The following ERO1A variants were observed in gnomAD, a reference collection of about 807,000 sequenced individuals.
ERO1A encodes endoplasmic reticulum oxidoreductase 1 alpha.
ERO1A carries 49 observed loss-of-function variants against 76.9 expected under a neutral mutation model. The ratio of observed to expected loss-of-function variants is 0.64; its 90% CI spans 0.51 to 0.81. The LOEUF is 0.81. Among genes scored for constraint, ERO1A ranks in the 30% least tolerant of loss-of-function variants. The pLI is 0.00. For missense variants in ERO1A, 448 were observed against 542.1 expected (o/e 0.83, Z 1.72); for synonymous variants, 174 against 181.2 (o/e 0.96, Z 0.32).
intron 6 of ERO1A, among the ~76,000 whole-genome samples, chr14:52,666,788 G>A (rs111587129): frequency 0.16 from 23,772 of 152,040 alleles, 1,942 homozygotes; most frequent in South Asian, 0.25. Context: ...AAAATTAGCC[G>A]GGCGTGGTGG....
intron 7 of ERO1A, among the ~76,000 whole-genome samples, chr14:52,664,368 G>GA (rs1178556652): frequency 6.6e-6 from 1 of 151,994 alleles, no homozygotes. Flanking sequence ...TGTTCAGTAG[G>GA]AAAAAACAGA....
chr14:52,661,563 C>T (rs563782079), intron 8 of ERO1A, among the ~76,000 whole-genome samples: 1 of 152,058 alleles, frequency 6.6e-6, no homozygotes, highest in African/African-American at 2.4e-5. Flanking sequence ...ATTTAATATA[C>T]CCTGACAGGA....
intron 1 of ERO1A, among the ~76,000 whole-genome samples, chr14:52,694,811 A>C (rs572653601): frequency 6.6e-6 from 1 of 152,190 alleles, no homozygotes; most frequent in Non-Finnish European, 1.5e-5. Context: ...GAAAAAGAGC[A>C]CACAGGACCA....
intron 4 of ERO1A, among the ~76,000 whole-genome samples, chr14:52,672,971 A>C (rs2040658513): frequency 6.6e-6 from 1 of 152,140 alleles, no homozygotes; most frequent in African/African-American, 2.4e-5. Context: ...AACATTTCAG[A>C]ATACAATTTC....
At chr14:52,665,237 G>A (rs1480524697) in intron 7 of ERO1A, among the ~76,000 whole-genome samples, 2 of 150,818 alleles carry the variant, frequency 1.3e-5, no homozygotes, top group African/African-American at 4.9e-5. Context: ...GGGAGGCAGA[G>A]GTTGCGGTAA....
intron 4 of ERO1A, among the ~76,000 whole-genome samples, chr14:52,675,064 C>T (rs1033766): frequency 1 from 152,330 of 152,330 alleles, 76,165 homozygotes; most frequent in Non-Finnish European, 1. Context: ...GATGAACAGA[C>T]ATGTGGTAAA....
chr14:52,673,536 T>G (rs1307105641), intron 4 of ERO1A, among the ~76,000 whole-genome samples: 1 of 152,236 alleles, frequency 6.6e-6, no homozygotes, highest in African/African-American at 2.4e-5. Flanking sequence ...AACCAATCAA[T>G]ACTACTGAGA....
Position 52,682,360 on chromosome 14 carries a change from C to G in ERO1A, c.283G>C (p.Gly95Arg). Residue 95 changes from glycine (G) to arginine (R), a missense_variant, in exon 3 of 16, where the codon GGA becomes CGA. Gly to Arg is a moderately radical substitution (Grantham distance 125). This residue lies in a region of ERO1A where 146 missense variants were observed against 130.2 expected (regional missense o/e 1.12). Coordinates refer to ENST00000395686, the MANE Select transcript of ERO1A (RefSeq NM_014584.3). Reference protein sequence around the residue: ...CPFWNDISQCGRRDCAVKPCQ... With the variant: ...CPFWNDISQCRRRDCAVKPCQ... Reference sequence around the variant, plus strand: ...GGTTTGACAGCACAGTCCCTTCTTCCACACTGGCTGATGTCATTCCAGAAA... The same window carrying G: ...GGTTTGACAGCACAGTCCCTTCTTCGACACTGGCTGATGTCATTCCAGAAA... 1 of 1,612,114 alleles carries G rather than the reference C, an allele frequency of 6.2e-7. No individual in the cohort carries two copies. Among genetic ancestry groups the G allele is most frequent in the African/African-American group, 1.3e-5 (1 of 75,016 alleles).
At position 52,671,839 on chromosome 14, in the gene ERO1A, T is replaced by C; in HGVS notation, c.390A>G (p.Glu130=). Residue 130 remains glutamate, a synonymous_variant, in exon 5 of 16, where the codon GAA becomes GAG. Coordinates refer to ENST00000395686, the MANE Select transcript of ERO1A (RefSeq NM_014584.3). Reference sequence around the variant, plus strand: ...CTCCAAGTCGTTCAGCTTGTTCACATTCTTCAATGAGATTATTGGCTTCTT... The same window carrying C: ...CTCCAAGTCGTTCAGCTTGTTCACACTCTTCAATGAGATTATTGGCTTCTT... ...YSEEANNLIE[E]CEQAERLGAV... 6.2e-7 allele frequency: 1 copy of C among 1,607,538 alleles called. No homozygotes were observed. The highest frequency in any genetic ancestry group is 8.5e-7 in the Non-Finnish European group (1 of 1,176,908).
chr14:52,687,709 T>A (rs1566647954), intron 1 of ERO1A, among the ~76,000 whole-genome samples: 1 of 152,228 alleles, frequency 6.6e-6, no homozygotes, highest in Admixed American at 6.5e-5. Flanking sequence ...TAAATTTTTT[T>A]AAATGCTAAT....
Position 52,643,527 on chromosome 14 carries a change from C to G in ERO1A, c.*43G>C, listed in dbSNP as rs76642475. ...GCCTTTGAATGAAATTCCACTCTTTCGCCTCCATTGTCCAGAAACAGGCAC... is the reference window on the plus strand; with the variant it reads ...GCCTTTGAATGAAATTCCACTCTTTGGCCTCCATTGTCCAGAAACAGGCAC... On this transcript the variant is annotated 3_prime_UTR_variant, in exon 16 of 16. Coordinates refer to ENST00000395686, the MANE Select transcript of ERO1A (RefSeq NM_014584.3). 3,994 of 1,294,078 alleles carry G rather than the reference C, an allele frequency of 3.1e-3. 42 individuals are homozygous for G. The Admixed American group carries it at 0.04, about 13-fold the overall frequency. The allele number at this position is 1,294,078 out of a possible 1,614,324, so 80.2% of individuals were successfully genotyped here. A position where few individuals can be genotyped will look rare whatever the true frequency, so the allele number is the denominator to read the frequency against.
In ERO1A at chr14:52,652,404, A is replaced by T; in HGVS notation, c.1056-96T>A. ...TTACTGGTCATGATAAATAAAGAGG[A>T]GAAAACATAGTAAAACCAACACTCC... On this transcript the variant is annotated intron_variant, in intron 12 of 15. Coordinates refer to ENST00000395686, the MANE Select transcript of ERO1A (RefSeq NM_014584.3). The T allele has an allele frequency of 1.1e-5, 9 of 795,222 alleles. No homozygotes were observed. The South Asian group carries it at 1.5e-4, about 14-fold the overall frequency. The allele number at this position is 795,222 out of a possible 1,614,324, so 49.3% of individuals were successfully genotyped here.
At chr14:52,663,587 G>A (rs565402619) in intron 8 of ERO1A, among the ~76,000 whole-genome samples, 101 of 147,888 alleles carry the variant, frequency 6.8e-4, no homozygotes, top group Non-Finnish European at 1.1e-3. Context: ...GTGACAGAGC[G>A]AGACTCCATC....
rs1255700057 is a variant in ERO1A at position 52,683,688 on chromosome 14, A to T, written c.234+100T>A. ...AATTTTCTTAATAAAGCCTATATCAATTTTAAATAACAACTACAATTTTGA... is the reference window on the plus strand; with the variant it reads ...AATTTTCTTAATAAAGCCTATATCATTTTTAAATAACAACTACAATTTTGA... On this transcript the variant is annotated intron_variant, in intron 2 of 15. Transcript: ENST00000395686. The T allele has an allele frequency of 5.4e-6, 3 of 552,934 alleles. No homozygotes were observed. The East Asian group carries it at 9.8e-5, about 18-fold the overall frequency. 34.3% of individuals were successfully genotyped at this position (552,934 alleles called of 1,614,324 possible). A position where few individuals can be genotyped will look rare whatever the true frequency, so the allele number is the denominator to read the frequency against.
At chr14:52,660,045 G>A (rs2040182128) in intron 9 of ERO1A, among the ~76,000 whole-genome samples, 1 of 151,742 alleles carries the variant, frequency 6.6e-6, no homozygotes, top group African/African-American at 2.4e-5. Context: ...GGTTAGCCAG[G>A]CTGGTCTCAA....
intron 4 of ERO1A, among the ~76,000 whole-genome samples, chr14:52,673,215 G>A (rs2040668720): frequency 2.0e-5 from 3 of 151,954 alleles, no homozygotes; most frequent in Non-Finnish European, 4.4e-5. Flanking sequence ...TCAGTCTCCT[G>A]AGTAGCTAGG....
At chr14:52,671,451 G>A in intron 6 of ERO1A, 179 bp downstream of exon 6, 1 of 449,390 alleles carries the variant, frequency 2.2e-6, no homozygotes, top group Non-Finnish European at 4.0e-6. Flanking sequence ...TTCTGAGATG[G>A]GTCTTACTAT....
intron 13 of ERO1A, among the ~76,000 whole-genome samples, chr14:52,647,375 T>C (rs145233619): frequency 2.6e-4 from 40 of 151,804 alleles, no homozygotes; most frequent in African/African-American, 8.2e-4. Flanking sequence ...CTTCCTTTGT[T>C]AATATTAAAT....
At chr14:52,652,053 A>G (rs1366597048) in intron 13 of ERO1A, among the ~76,000 whole-genome samples, 186 bp downstream of exon 13, 4 of 149,936 alleles carry the variant, frequency 2.7e-5, no homozygotes, top group African/African-American at 9.9e-5. Context: ...GCTGGTCTTG[A>G]ACTCCAGGGC....
Sources: gnomAD v4.1 joint callset for allele counts (sites outside exome capture counted in the v4.1 genomes callset) on GRCh38, gnomAD v4.1.1 for gene constraint, gnomAD v4.1.1 regional missense constraint, MANE v1.5 for transcripts, NCBI Gene and HGNC (gene_info 2026-07-23, HGNC 2026-07-21) for gene names.